The following GPATCH2 variants were observed in gnomAD, a reference collection of about 807,000 sequenced individuals.
GPATCH2 encodes G patch domain-containing protein 2.
Under a neutral mutation model 58.0 loss-of-function variants are expected in GPATCH2, and 51 were observed. That is an observed-to-expected ratio of 0.88 (90% CI 0.70 to 1.11). GPATCH2 has a LOEUF of 1.11. Among genes scored for constraint, GPATCH2 ranks in the 50% most tolerant of loss-of-function variants. GPATCH2 has a pLI of 0.00. For synonymous variants in GPATCH2, 222 were observed against 218.5 expected (o/e 1.02, Z -0.14); for missense variants, 625 against 652.2 (o/e 0.96, Z 0.45).
chr1:217,612,959 A>G (rs1668701085), intron 3 of GPATCH2, among the ~76,000 whole-genome samples: 2 of 152,172 alleles, frequency 1.3e-5, no homozygotes, highest in African/African-American at 4.8e-5. Flanking sequence ...TTCACAATAA[A>G]TGCTGGCATA....
chr1:217,576,767 GA>G (rs1392079494), intron 5 of GPATCH2, among the ~76,000 whole-genome samples: 1 of 151,910 alleles, frequency 6.6e-6, no homozygotes, highest in Non-Finnish European at 1.5e-5. Flanking sequence ...ATTACCAGAG[GA>G]AAAAAAGTCA....
In GPATCH2 at chr1:217,429,304, T is replaced by C. The variant is rs1378017630; in HGVS notation, c.*1841A>G. The C allele has an allele frequency of 1.3e-5, 2 of 152,184 alleles. No homozygotes were observed. Among genetic ancestry groups the C allele is most frequent in the Non-Finnish European group, 2.9e-5 (2 of 68,028 alleles). The allele number at this position is 152,184 out of a possible 1,614,324, so 9.4% of individuals were successfully genotyped here. A position where few individuals can be genotyped will look rare whatever the true frequency, so the allele number is the denominator to read the frequency against. On this transcript the variant is annotated 3_prime_UTR_variant, in exon 10 of 10. Transcript: ENST00000366935. ...ATGGGGTTACTTTATCCAGTAAGAATGCTTCAAAAGAACATCTCTTCTGGT... is the reference window on the plus strand; with the variant it reads ...ATGGGGTTACTTTATCCAGTAAGAACGCTTCAAAAGAACATCTCTTCTGGT...
chr1:217,587,446 A>G (rs1667393205), intron 5 of GPATCH2, among the ~76,000 whole-genome samples: 2 of 152,208 alleles, frequency 1.3e-5, no homozygotes, highest in South Asian at 4.1e-4. Context: ...AAAGTATGGA[A>G]GCCTAAGATA....
chr1:217,459,370 C>T (rs191406448), intron 8 of GPATCH2, among the ~76,000 whole-genome samples: 9 of 152,280 alleles, frequency 5.9e-5, no homozygotes, highest in Non-Finnish European at 7.4e-5. Flanking sequence ...AAATTCATTT[C>T]GCCTGAACTG....
intron 5 of GPATCH2, among the ~76,000 whole-genome samples, chr1:217,552,642 T>C (rs1371857153): frequency 1.3e-5 from 2 of 152,160 alleles, no homozygotes; most frequent in African/African-American, 4.8e-5. Context: ...TGAAAACAAA[T>C]TGCCTAAATT....
intron 2 of GPATCH2, 64 bp from the exon 3 acceptor site, chr1:217,614,266 TAA>T: frequency 7.8e-6 from 7 of 903,190 alleles, no homozygotes; most frequent in Non-Finnish European, 1.3e-5. Context: ...CGTAAAATTT[TAA>T]AGAGACATGG....
chr1:217,583,697 T>TA lies in GPATCH2; in HGVS notation c.1098+26623dup, dbSNP rs202092775. On this transcript the variant is annotated intron_variant, in intron 5 of 9. Coordinates refer to ENST00000366935, the MANE Select transcript of GPATCH2 (RefSeq NM_018040.5). Reference sequence around the variant, plus strand: ...ATTCTCAGATACAGGAAGCACAACATAAAAAAAAGCAGGATAAATAAATTT... The same window carrying TA: ...ATTCTCAGATACAGGAAGCACAACATAAAAAAAAAGCAGGATAAATAAATTT... Among the ~76,000 whole-genome samples, 13 of 149,486 alleles carry TA rather than the reference T, an allele frequency of 8.7e-5. No homozygotes were observed. In the South Asian group the frequency reaches 2.1e-3, roughly 24 times the overall value.
chr1:217,584,344 A>AT (rs1553347330), intron 5 of GPATCH2, among the ~76,000 whole-genome samples: 1,912 of 101,698 alleles, frequency 0.019, 27 homozygotes, highest in African/African-American at 0.023. Context: ...AAAAAAAAAA[A>AT]ATATATATAT....
At position 217,481,379 on chromosome 1, in the gene GPATCH2, A is replaced by G. The variant is rs1347110884; in HGVS notation, c.1277+10301T>C. ...TTAAGAAATAGCAATATAAATATGT[A>G]ATACTAGAAATACAGAGGTCAACAG... On this transcript the variant is annotated intron_variant, in intron 8 of 9. Coordinates refer to ENST00000366935, the MANE Select transcript of GPATCH2 (RefSeq NM_018040.5). 2.0e-5 allele frequency among the ~76,000 whole-genome samples: 3 copies of G among 152,238 alleles called. No individual in the cohort carries two copies. The East Asian group carries it at 5.8e-4, about 29-fold the overall frequency.
At chr1:217,489,703 A>C (rs1661626588) in intron 8 of GPATCH2, among the ~76,000 whole-genome samples, 1 of 152,150 alleles carries the variant, frequency 6.6e-6, no homozygotes, top group Non-Finnish European at 1.5e-5. Context: ...TCTCTACTAC[A>C]AATACAAAAT....
intron 6 of GPATCH2, among the ~76,000 whole-genome samples, chr1:217,509,989 C>A (rs1359169207): frequency 6.6e-6 from 1 of 152,164 alleles, no homozygotes; most frequent in Non-Finnish European, 1.5e-5. Flanking sequence ...GATACTATTA[C>A]TGCTTCCTCA....
At position 217,433,169 on chromosome 1, in the gene GPATCH2, T is replaced by A. The variant is rs78913706; in HGVS notation, c.1367-1804A>T. Among the ~76,000 whole-genome samples, 590 of 152,104 alleles carry A rather than the reference T, an allele frequency of 3.9e-3. 1 individual carries two copies. The highest frequency in any genetic ancestry group is 0.013 in the African/African-American group (549 of 41,462). On this transcript the variant is annotated intron_variant, in intron 9 of 9. Transcript: ENST00000366935. ...CCCAACTACAAAAAAAAGTTGGAAC[T>A]CTCTGTCCTACTCTTTCTCTGAGAC... is the stretch of plus-strand genomic sequence containing the variant.
At chr1:217,518,770 C>T (rs1663306715) in intron 5 of GPATCH2, among the ~76,000 whole-genome samples, 3 of 152,200 alleles carry the variant, frequency 2.0e-5, no homozygotes, top group Admixed American at 6.5e-5. Flanking sequence ...ATAGCTGGTC[C>T]CCTTCAACTT....
At chr1:217,508,668 T>C (rs1662685745) in intron 6 of GPATCH2, among the ~76,000 whole-genome samples, 1 of 152,180 alleles carries the variant, frequency 6.6e-6, no homozygotes, top group Non-Finnish European at 1.5e-5. Flanking sequence ...TAGTCATATA[T>C]TAATTTTATT....
chr1:217,452,654 C>G (rs1418476416), intron 8 of GPATCH2, among the ~76,000 whole-genome samples: 3 of 152,104 alleles, frequency 2.0e-5, no homozygotes, highest in African/African-American at 7.2e-5. Context: ...CAGGAACAAC[C>G]AACTCCCTCT....
At chr1:217,599,355 G>A (rs1158141002) in intron 5 of GPATCH2, among the ~76,000 whole-genome samples, 3 of 152,034 alleles carry the variant, frequency 2.0e-5, no homozygotes, top group Non-Finnish European at 4.4e-5. Flanking sequence ...CCAGGGAGGA[G>A]GCTATAAAAA....
intron 5 of GPATCH2, among the ~76,000 whole-genome samples, chr1:217,536,742 C>A (rs191029044): frequency 6.6e-6 from 1 of 152,016 alleles, no homozygotes; most frequent in Non-Finnish European, 1.5e-5. Context: ...TTTGGGAGGC[C>A]GAGGCAGACG....
chr1:217,444,430 T>C (rs1659289849), intron 9 of GPATCH2, among the ~76,000 whole-genome samples: 1 of 152,210 alleles, frequency 6.6e-6, no homozygotes, highest in African/African-American at 2.4e-5. Flanking sequence ...TCAGCTATCT[T>C]TGTAAAAAGA....
intron 5 of GPATCH2, among the ~76,000 whole-genome samples, chr1:217,562,200 C>T (rs964601745): frequency 1.3e-4 from 20 of 152,088 alleles, no homozygotes; most frequent in Non-Finnish European, 7.3e-5. Context: ...GCCCCCCTCC[C>T]TTTTTTAAAA....
Sources: gnomAD v4.1 joint callset for allele counts (sites outside exome capture counted in the v4.1 genomes callset) on GRCh38, gnomAD v4.1.1 for gene constraint, MANE v1.5 for transcripts, NCBI Gene and HGNC (gene_info 2026-07-23, HGNC 2026-07-21) for gene names.